The following ACTR3B variants were observed in gnomAD, a reference collection of about 807,000 sequenced individuals.
ACTR3B encodes the protein actin-related protein 3B.
ACTR3B carries 8 observed loss-of-function variants against 59.0 expected under a neutral mutation model. The ratio of observed to expected loss-of-function variants is 0.14; its 90% CI spans 0.08 to 0.24. The LOEUF (loss-of-function observed/expected upper bound fraction) is 0.24, where lower values mean the gene tolerates loss of function less well. Among genes scored for constraint, ACTR3B ranks in the 10% least tolerant of loss-of-function variants. The pLI is 1.00. For synonymous variants in ACTR3B, 148 were observed against 197.9 expected, an observed-to-expected ratio of 0.75 and a Z score of 2.12; for missense variants, 245 against 552.3, an observed-to-expected ratio of 0.44 and a Z score of 5.58.
chr7:152,791,015 CT>C (rs540702221), intron 2 of ACTR3B, among the ~76,000 whole-genome samples: 7,012 of 138,396 alleles, frequency 0.051, 152 homozygotes, highest in South Asian at 0.11. Flanking sequence ...AATAATTGTT[CT>C]TTTTTTTTTT....
chr7:152,787,326 G>T (rs1343937128), intron 2 of ACTR3B, among the ~76,000 whole-genome samples: 1 of 151,994 alleles, frequency 6.6e-6, no homozygotes, highest in Non-Finnish European at 1.5e-5. Flanking sequence ...TTTTTCTATT[G>T]CATTTTTAAA....
intron 9 of ACTR3B, among the ~76,000 whole-genome samples, chr7:152,830,247 G>T (rs1366856107): frequency 3.3e-5 from 5 of 152,166 alleles, no homozygotes; most frequent in African/African-American, 1.2e-4. Flanking sequence ...GATGCCTGCG[G>T]TGCCTGTTTT....
Position 152,854,354 on chromosome 7 carries a change from G to A in ACTR3B, c.1162-104G>A. 4 of 976,096 alleles carry A rather than the reference G, an allele frequency of 4.1e-6. 1 individual carries two copies. In the Admixed American group the frequency reaches 7.2e-5, roughly 18 times the overall value. 60.5% of individuals were successfully genotyped at this position (976,096 alleles called of 1,614,324 possible). A position where few individuals can be genotyped will look rare whatever the true frequency, so the allele number is the denominator to read the frequency against. ...CTTGCAGCAGCGGTCCTGGGAGGGAGGGTGGAGGCCGGGATGAGGAGAGTG... is the reference window on the plus strand; with the variant it reads ...CTTGCAGCAGCGGTCCTGGGAGGGAAGGTGGAGGCCGGGATGAGGAGAGTG... On this transcript the variant is annotated intron_variant, in intron 11 of 11. Transcript: ENST00000256001. This position sits in a 1 kb window ranked among gnomAD's most constrained non-coding sequence, Gnocchi z 4.9.
At chr7:152,779,044 C>T (rs2969842) in intron 1 of ACTR3B, among the ~76,000 whole-genome samples, 64,349 of 134,356 alleles carry the variant, frequency 0.48, 15,012 homozygotes, top group Non-Finnish European at 0.51. Flanking sequence ...GTATTATAGA[C>T]ATATCGTGCT....
intron 9 of ACTR3B, among the ~76,000 whole-genome samples, chr7:152,830,041 A>C (rs534512783): frequency 2.6e-5 from 4 of 152,382 alleles, no homozygotes; most frequent in Non-Finnish European, 4.4e-5. Flanking sequence ...CTACAAGCTA[A>C]ATGTCATTAA....
chr7:152,796,846 C>T (rs1358040474), intron 2 of ACTR3B, among the ~76,000 whole-genome samples: 4 of 137,138 alleles, frequency 2.9e-5, no homozygotes, highest in African/African-American at 7.9e-5. Flanking sequence ...TTGGGACTCC[C>T]GGCTAGTTTT....
chr7:152,820,878 A>G (rs1294662983), intron 7 of ACTR3B, among the ~76,000 whole-genome samples: 1 of 152,246 alleles, frequency 6.6e-6, no homozygotes, highest in Non-Finnish European at 1.5e-5. Flanking sequence ...GGCCATAAGC[A>G]TCTTCTTCCT....
rs1179432460 is a variant in ACTR3B at position 152,797,633 on chromosome 7, CCTAT to C, written c.101-2894_101-2891del. ...GCTAGATCTCTTGTAATTTATTTCT[CCTAT>C]CTAACTGTAGTTACGTATTTTTTGA... On this transcript the variant is annotated intron_variant, in intron 2 of 11. Coordinates refer to ENST00000256001, the MANE Select transcript of ACTR3B (RefSeq NM_020445.6). Among the ~76,000 whole-genome samples the C allele has an allele frequency of 3.9e-5, 6 of 152,096 alleles. 1 individual carries two copies. Among genetic ancestry groups the C allele is most frequent in the Admixed American group, 1.3e-4 (2 of 15,280 alleles).
intron 1 of ACTR3B, among the ~76,000 whole-genome samples, chr7:152,776,778 C>T (rs935285404): frequency 5.3e-5 from 8 of 152,326 alleles, no homozygotes; most frequent in African/African-American, 1.9e-4. Context: ...ATAGCTGGTG[C>T]TGGGATTTGA....
At chr7:152,794,881 A>G (rs1489910098) in intron 2 of ACTR3B, among the ~76,000 whole-genome samples, 2 of 152,154 alleles carry the variant, frequency 1.3e-5, no homozygotes, top group Non-Finnish European at 2.9e-5. Flanking sequence ...TTACTTGTTT[A>G]TAATTTGATA....
chr7:152,816,529 C>T lies in ACTR3B; in HGVS notation c.481C>T (p.Arg161Cys). 6.2e-7 allele frequency: 1 copy of T among 1,607,726 alleles called. No homozygotes were observed. The highest frequency in any genetic ancestry group is 8.5e-7 in the Non-Finnish European group (1 of 1,176,896). ...ASWTSRQVGE[R>C]TLTGIVIDSG... ...TTGGACATCTCGACAAGTGGGTGAA[C>T]GTACGTTAACGGGGATAGTCATTGA... Residue 161 changes from arginine to cysteine, a missense_variant, in exon 6 of 12, where the codon CGT (arginine) becomes TGT (cysteine). By Grantham distance (180) the Arg-to-Cys change is radical. Coordinates refer to ENST00000256001, the MANE Select transcript of ACTR3B (RefSeq NM_020445.6).
intron 1 of ACTR3B, among the ~76,000 whole-genome samples, chr7:152,776,261 A>G (rs1590216103): frequency 6.9e-6 from 1 of 144,078 alleles, no homozygotes; most frequent in East Asian, 2.0e-4. Context: ...AGTTCTTCCC[A>G]TTTGGGATAA....
At chr7:152,760,244 C>T (rs1590173197) in intron 1 of ACTR3B, among the ~76,000 whole-genome samples, 2 of 152,206 alleles carry the variant, frequency 1.3e-5, no homozygotes, top group South Asian at 4.1e-4. Flanking sequence ...CGGCTCCGGC[C>T]GTCGCCGGGG....
intron 1 of ACTR3B, among the ~76,000 whole-genome samples, chr7:152,770,340 G>A (rs1359009585): frequency 6.6e-6 from 1 of 152,194 alleles, no homozygotes. Context: ...GGTTTCTGAA[G>A]GTACTACTCA....
At chr7:152,814,983 G>A (rs1056958546) in intron 5 of ACTR3B, among the ~76,000 whole-genome samples, 1 of 151,756 alleles carries the variant, frequency 6.6e-6, no homozygotes, top group Non-Finnish European at 1.5e-5. Flanking sequence ...TACCTTTAGA[G>A]GTTTCCCCTT....
intron 3 of ACTR3B, among the ~76,000 whole-genome samples, chr7:152,801,101 G>A: frequency 6.6e-6 from 1 of 152,270 alleles, no homozygotes; most frequent in Non-Finnish European, 1.5e-5. Context: ...TTTTTTTAGA[G>A]ATAGGTCTTA....
chr7:152,772,454 G>A (rs1367120781), intron 1 of ACTR3B, among the ~76,000 whole-genome samples: 1 of 152,214 alleles, frequency 6.6e-6, no homozygotes, highest in African/African-American at 2.4e-5. Flanking sequence ...GGATCTAAGA[G>A]TTCAAGGTTA....
chr7:152,760,028 T>C, intron 1 of ACTR3B, 102 bp downstream of exon 1: 1 of 1,105,702 alleles, frequency 9.0e-7, no homozygotes. Flanking sequence ...CGCCCCGGGC[T>C]TGAGCCCCGC....
chr7:152,790,300 GAGGAGTTACTTTAATACA>G (rs1319266366), intron 2 of ACTR3B, among the ~76,000 whole-genome samples: 18 of 152,184 alleles, frequency 1.2e-4, no homozygotes, highest in Non-Finnish European at 2.4e-4. Context: ...CTCTTAATAG[GAGGAGTTACTTTAATACA>G]TTTTCGAATA....
Sources: allele counts gnomAD v4.1 joint callset (sites outside exome capture counted in the v4.1 genomes callset), GRCh38; gene constraint gnomAD v4.1.1; non-coding constraint Gnocchi (gnomAD v3.1); transcripts MANE v1.5; gene names NCBI Gene and HGNC (gene_info 2026-07-23, HGNC 2026-07-21).